NREP: variants seen among roughly 807,000 people sequenced by gnomAD.
NREP encodes the protein neuronal regeneration-related protein.
A neutral mutation model predicts 8.6 loss-of-function variants in NREP; 5 were observed. The ratio of observed to expected loss-of-function variants is 0.58; its 90% CI spans 0.30 to 1.22. The LOEUF (loss-of-function observed/expected upper bound fraction) is 1.22. NREP is among the 50% of genes most tolerant of loss of function. The probability of loss-of-function intolerance (pLI) is 0.07; values close to 1 mark genes in which losing one functional copy is unlikely to be tolerated. For synonymous variants in NREP, 27 were observed against 28.0 expected, an observed-to-expected ratio of 0.96 and a Z score of 0.11; for missense variants, 86 against 82.5, an observed-to-expected ratio of 1.04 and a Z score of -0.17.
chr5:111,861,127 G>A (rs1030432635), intron 2 of NREP, among the ~76,000 whole-genome samples: 9 of 152,204 alleles, frequency 5.9e-5, no homozygotes, highest in African/African-American at 2.2e-4. Flanking sequence ...TGCTCTGAAA[G>A]TAGGAAGTAC....
intron 2 of NREP, chr5:111,912,529 TC>T (rs976699879): frequency 7.9e-5 from 12 of 152,144 alleles, no homozygotes; most frequent in African/African-American, 2.9e-4. Context: ...GATATAGATT[TC>T]TCTCTTCTTT....
upstream of NREP, chr5:111,757,581 C>T: frequency 1.0e-6 from 1 of 984,356 alleles, no homozygotes; most frequent in Non-Finnish European, 1.2e-6. Context: ...ATCGGCGGCT[C>T]TGGGCCCCGT....
intron 2 of NREP, among the ~76,000 whole-genome samples, chr5:111,791,948 T>A (rs190177928): frequency 1.1e-3 from 169 of 152,328 alleles, no homozygotes; most frequent in African/African-American, 4.0e-3. Context: ...TAGTTCCCAC[T>A]TCAAAGGATT....
chr5:111,912,182 G>A (rs959045974), intron 2 of NREP, among the ~76,000 whole-genome samples: 4 of 151,946 alleles, frequency 2.6e-5, no homozygotes, highest in Non-Finnish European at 5.9e-5. Context: ...CATTCGTATG[G>A]TAACATTCTC....
At chr5:111,809,822 C>T (rs904927215) in intron 2 of NREP, among the ~76,000 whole-genome samples, 1 of 151,472 alleles carries the variant, frequency 6.6e-6, no homozygotes, top group African/African-American at 2.4e-5. Flanking sequence ...ACTAAAGTTA[C>T]TATGTTGATA....
intron 2 of NREP, among the ~76,000 whole-genome samples, chr5:111,771,438 C>T (rs1751225282): frequency 7.9e-6 from 1 of 126,692 alleles, no homozygotes; most frequent in Non-Finnish European, 1.8e-5. Context: ...CACACACACA[C>T]ACACACACAC....
At chr5:111,870,099 C>T (rs994291569) in intron 2 of NREP, among the ~76,000 whole-genome samples, 1 of 152,162 alleles carries the variant, frequency 6.6e-6, no homozygotes, top group African/African-American at 2.4e-5. Context: ...CTTGATACCT[C>T]CATGAACAAC....
intron 2 of NREP, among the ~76,000 whole-genome samples, chr5:111,913,742 A>C (rs1374473704): frequency 2.0e-5 from 3 of 152,146 alleles, no homozygotes; most frequent in Non-Finnish European, 4.4e-5. Context: ...ATGAATTCCC[A>C]GCTCTACCTT....
chr5:111,940,327 C>T (rs557997582), intron 2 of NREP, among the ~76,000 whole-genome samples: 1 of 152,072 alleles, frequency 6.6e-6, no homozygotes, highest in Admixed American at 6.5e-5. Flanking sequence ...AATACTGTTC[C>T]CTCTCTTTTC....
At chr5:111,732,352 A>G (rs1339552139) in intron 3 of NREP, 1 of 152,226 alleles carries the variant, frequency 6.6e-6, no homozygotes, top group East Asian at 1.9e-4. Flanking sequence ...CAGATTTTCC[A>G]TATTAAACAT....
intron 2 of NREP, among the ~76,000 whole-genome samples, chr5:111,919,869 GAGAAAGAAAGAAAGAA>G (rs60026643): frequency 5.0e-4 from 63 of 125,116 alleles, no homozygotes; most frequent in East Asian, 1.3e-3. Context: ...CTTGAAGAGA[GAGAAAGAAAGAAAGAA>G]AGAAAGAAAG....
At chr5:111,900,523 T>C (rs367691324) in intron 2 of NREP, among the ~76,000 whole-genome samples, 17 of 151,382 alleles carry the variant, frequency 1.1e-4, no homozygotes, top group East Asian at 5.8e-4. Context: ...CTAGTTACAC[T>C]GCCAAGAAAA....
intron 2 of NREP, among the ~76,000 whole-genome samples, chr5:111,955,369 C>T (rs1309843890): frequency 1.3e-5 from 2 of 151,050 alleles, no homozygotes; most frequent in Admixed American, 6.6e-5. Flanking sequence ...AGTGAGTCAG[C>T]GAAAGAATCA....
At chr5:111,901,535 A>G (rs1430747544) in intron 2 of NREP, among the ~76,000 whole-genome samples, 1 of 152,082 alleles carries the variant, frequency 6.6e-6, no homozygotes, top group Non-Finnish European at 1.5e-5. Context: ...TCCTCTTGGC[A>G]GATGACATGA....
At chr5:111,767,130 A>C (rs1033893172) in intron 2 of NREP, among the ~76,000 whole-genome samples, 2 of 152,212 alleles carry the variant, frequency 1.3e-5, no homozygotes, top group African/African-American at 4.8e-5. Flanking sequence ...TTTTATTTCA[A>C]CTTGGGTTAG....
intron 2 of NREP, among the ~76,000 whole-genome samples, chr5:111,930,500 G>C (rs183356923): frequency 3.3e-5 from 5 of 152,216 alleles, no homozygotes; most frequent in Admixed American, 2.6e-4. Flanking sequence ...TGAGTTTTAT[G>C]TCAAGAGCTG....
At chr5:111,801,437 A>T (rs1752004528) in intron 2 of NREP, among the ~76,000 whole-genome samples, 2 of 152,180 alleles carry the variant, frequency 1.3e-5, no homozygotes, top group Admixed American at 1.3e-4. Context: ...ACTTGTGTTC[A>T]TTATCTGTAT....
intron 2 of NREP, among the ~76,000 whole-genome samples, chr5:111,902,160 T>A (rs1450269342): frequency 2.0e-5 from 3 of 152,110 alleles, no homozygotes; most frequent in African/African-American, 4.8e-5. Context: ...TTCAGCCAAC[T>A]GATTTTTCAA....
intron 2 of NREP, among the ~76,000 whole-genome samples, chr5:111,937,276 G>A (rs1449140955): frequency 6.6e-6 from 1 of 152,008 alleles, no homozygotes; most frequent in African/African-American, 2.4e-5. Flanking sequence ...AGAGTCCAGG[G>A]GTCATAACTG....
Sources: allele counts gnomAD v4.1 joint callset (sites outside exome capture counted in the v4.1 genomes callset), GRCh38; gene constraint gnomAD v4.1.1; transcripts MANE v1.5; gene names NCBI Gene and HGNC (gene_info 2026-07-23, HGNC 2026-07-21).